MAGI2: variants seen among roughly 807,000 people sequenced by gnomAD.
MAGI2 encodes membrane-associated guanylate kinase, WW and PDZ domain-containing protein 2.
MAGI2 carries 35 observed loss-of-function variants against 133.3 expected under a neutral mutation model. That is an observed-to-expected ratio of 0.26 (90% CI 0.20 to 0.35). The LOEUF (loss-of-function observed/expected upper bound fraction) is 0.35. MAGI2 is among the 10% of genes least tolerant of loss of function. MAGI2 has a pLI of 1.00. For synonymous variants in MAGI2, 729 were observed against 710.6 expected, an observed-to-expected ratio of 1.03 and a Z score of -0.41; for missense variants, 1,636 against 1,863.4, an observed-to-expected ratio of 0.88 and a Z score of 2.25.
At chr7:78,242,479 T>C (rs1396497192) in intron 10 of MAGI2, among the ~76,000 whole-genome samples, 2 of 152,234 alleles carry the variant, frequency 1.3e-5, no homozygotes, top group African/African-American at 4.8e-5. Context: ...CAGTATGTCA[T>C]GTCATTCACA....
chr7:79,089,652 T>C (rs1358423017), intron 1 of MAGI2, among the ~76,000 whole-genome samples: 2 of 152,130 alleles, frequency 1.3e-5, no homozygotes, highest in Admixed American at 6.6e-5. Context: ...TCATGTCTTT[T>C]GCAGGAACAT....
At position 79,128,989 on chromosome 7, in the gene MAGI2, G is replaced by A. The variant is rs1820676624; in HGVS notation, c.302-121783C>T. ...GAGTTCCAGCGCTTCTTCCACCTCA[G>A]CCTCCCGAGTAGCTGGGATTACAGG... On this transcript the variant is annotated intron_variant, in intron 1 of 21. Transcript: ENST00000354212. Among the ~76,000 whole-genome samples, 3 of 152,078 alleles carry A rather than the reference G, an allele frequency of 2.0e-5. 1 individual carries two copies. In the South Asian group the frequency reaches 6.2e-4, roughly 31 times the overall value.
chr7:79,345,286 A>G, intron 1 of MAGI2, among the ~76,000 whole-genome samples: 1 of 152,118 alleles, frequency 6.6e-6, no homozygotes, highest in Non-Finnish European at 1.5e-5. Flanking sequence ...GAAGAGATCA[A>G]GTTGATGCTC....
chr7:79,299,050 A>T (rs1441987434), intron 1 of MAGI2, among the ~76,000 whole-genome samples: 1 of 152,180 alleles, frequency 6.6e-6, no homozygotes, highest in African/African-American at 2.4e-5. Flanking sequence ...CATGCCACAT[A>T]ACGTTTTAAT....
chr7:78,117,503 A>T (rs907244329), intron 20 of MAGI2, among the ~76,000 whole-genome samples: 4 of 152,088 alleles, frequency 2.6e-5, no homozygotes, highest in Non-Finnish European at 1.5e-5. Context: ...TCTCCTAGCA[A>T]ACTAGTAATA....
At position 78,996,675 on chromosome 7, in the gene MAGI2, G is replaced by T. The variant is rs563976958; in HGVS notation, c.418+10415C>A. Among the ~76,000 whole-genome samples, 5 of 152,114 alleles carry T rather than the reference G, an allele frequency of 3.3e-5. No homozygotes were observed. In the South Asian group the frequency reaches 8.3e-4, roughly 25 times the overall value. ...TGAACTTAAAATAAAAGTTAATAAA[G>T]AAAAATAAAACTACAAAAAGGAAAG... On this transcript the variant is annotated intron_variant, in intron 2 of 21. Transcript: ENST00000354212.
chr7:78,288,615 A>G (rs1796388604), intron 9 of MAGI2, among the ~76,000 whole-genome samples: 3 of 152,160 alleles, frequency 2.0e-5, no homozygotes, highest in Non-Finnish European at 4.4e-5. Flanking sequence ...TTCTCCCAGC[A>G]TGGAGTTTGA....
At chr7:78,268,275 A>G (rs1794212467) in intron 9 of MAGI2, among the ~76,000 whole-genome samples, 1 of 152,166 alleles carries the variant, frequency 6.6e-6, no homozygotes, top group Admixed American at 6.6e-5. Flanking sequence ...TTAATTGAAA[A>G]GCAAAATTTT....
chr7:79,395,703 T>C (rs1454645390), intron 1 of MAGI2, among the ~76,000 whole-genome samples: 3 of 152,208 alleles, frequency 2.0e-5, no homozygotes, highest in Non-Finnish European at 2.9e-5. Flanking sequence ...ATTTCCAACT[T>C]CTGCAGAACA....
chr7:78,923,041 T>C (rs1419208586), intron 2 of MAGI2, among the ~76,000 whole-genome samples: 1 of 152,150 alleles, frequency 6.6e-6, no homozygotes. Context: ...AATGGGGTTG[T>C]TTGTTTTTTT....
intron 1 of MAGI2, among the ~76,000 whole-genome samples, chr7:79,344,005 T>G (rs944970124): frequency 6.6e-6 from 1 of 152,170 alleles, no homozygotes; most frequent in African/African-American, 2.4e-5. Context: ...AGAGTAACCT[T>G]AGAACTAAAT....
At chr7:79,436,106 C>T (rs983137452) in intron 1 of MAGI2, among the ~76,000 whole-genome samples, 3 of 150,488 alleles carry the variant, frequency 2.0e-5, no homozygotes, top group African/African-American at 7.3e-5. Flanking sequence ...TTATCATATA[C>T]AAATATTCAG....
intron 3 of MAGI2, among the ~76,000 whole-genome samples, chr7:78,546,420 T>C (rs1798843427): frequency 6.6e-6 from 1 of 152,044 alleles, no homozygotes; most frequent in African/African-American, 2.4e-5. Flanking sequence ...GTTCACCAGG[T>C]AACATCAAAA....
intron 1 of MAGI2, among the ~76,000 whole-genome samples, chr7:79,099,645 A>G (rs1185838441): frequency 6.6e-6 from 1 of 151,954 alleles, no homozygotes; most frequent in Non-Finnish European, 1.5e-5. Context: ...ACCCTTAAGT[A>G]GGTCCCATTG....
intron 1 of MAGI2, among the ~76,000 whole-genome samples, chr7:79,328,980 C>T (rs897463937): frequency 6.6e-6 from 1 of 152,142 alleles, no homozygotes; most frequent in African/African-American, 2.4e-5. Context: ...TGTGGGGGCC[C>T]TACTGCGGAT....
At chr7:79,175,044 G>C (rs1467232508) in intron 1 of MAGI2, among the ~76,000 whole-genome samples, 3 of 151,810 alleles carry the variant, frequency 2.0e-5, no homozygotes, top group African/African-American at 7.3e-5. Flanking sequence ...CCATAGTTCA[G>C]CTATTGATAC....
intron 1 of MAGI2, among the ~76,000 whole-genome samples, chr7:79,378,561 A>G (rs1414418141): frequency 6.6e-6 from 1 of 151,632 alleles, no homozygotes; most frequent in Non-Finnish European, 1.5e-5. Flanking sequence ...ATTTACATCC[A>G]TAAGATTTCA....
At position 78,132,941 on chromosome 7, in the gene MAGI2, T is replaced by C; in HGVS notation, c.3151A>G (p.Ile1051Val). 6.2e-7 allele frequency: 1 copy of C among 1,613,788 alleles called. No individual in the cohort carries two copies. Among genetic ancestry groups the C allele is most frequent in the South Asian group, 1.1e-5 (1 of 91,052 alleles). The part of the protein sequence containing the change: ...QPSPATPNSP[I>V]AQPAPPQPLQ... ...GGTTGAGGTGGTGCTGGCTGGGCGA[T>C]GGGGCTGTTGGGGGTGGCTGGGCTT... The change falls in exon 18 of 22, where the codon ATC becomes GTC. Residue 1051 changes from isoleucine to valine, a missense_variant. By Grantham distance (29) the Ile-to-Val change is conservative (BLOSUM62 3). Transcript: ENST00000354212.
At chr7:78,078,638 A>G in intron 21 of MAGI2, 1 of 495,568 alleles carries the variant, frequency 2.0e-6, no homozygotes, top group South Asian at 3.4e-5. Flanking sequence ...TAACAGTTCT[A>G]ATATTTAAGT....
Sources: allele counts gnomAD v4.1 joint callset (sites outside exome capture counted in the v4.1 genomes callset), GRCh38; gene constraint gnomAD v4.1.1; transcripts MANE v1.5; gene names NCBI Gene and HGNC (gene_info 2026-07-23, HGNC 2026-07-21).